The following SMTNL2 variants were observed in gnomAD, a reference collection of about 807,000 sequenced individuals.
SMTNL2 encodes smoothelin like 2, also known as smoothelin-like protein 2.
SMTNL2 carries 43 observed loss-of-function variants against 44.1 expected under a neutral mutation model. The observed-to-expected ratio is 0.98, with a 90% confidence interval of 0.76 to 1.26. The LOEUF is 1.26. SMTNL2 is among the 50% of genes most tolerant of loss of function. SMTNL2 has a pLI of 0.00. For missense variants in SMTNL2, 646 were observed against 670.2 expected, an observed-to-expected ratio of 0.96 and a Z score of 0.40; for synonymous variants, 317 against 287.6, an observed-to-expected ratio of 1.10 and a Z score of -1.03.
At chr17:4,601,286 A>C (rs1320615875) in intron 7 of SMTNL2, among the ~76,000 whole-genome samples, 1 of 152,074 alleles carries the variant, frequency 6.6e-6, no homozygotes, top group Admixed American at 6.6e-5. Context: ...GTGGTGGTGC[A>C]CACCTGTGGT....
intron 1 of SMTNL2, among the ~76,000 whole-genome samples, chr17:4,586,168 G>A (rs999208847): frequency 2.6e-5 from 4 of 152,214 alleles, no homozygotes; most frequent in Admixed American, 6.5e-5. Flanking sequence ...GGGCAGTGGC[G>A]AATGCCCCTA....
Position 4,584,870 on chromosome 17 carries a change from G to T in SMTNL2, c.265G>T (p.Gly89Trp), listed in dbSNP as rs900228872. Reference sequence around the variant, plus strand: ...GGTGGAGGCGCTGGGCTTGGCCAGCGGGATGTCCCCGGTGCCCGGCACTCC... The same window carrying T: ...GGTGGAGGCGCTGGGCTTGGCCAGCTGGATGTCCCCGGTGCCCGGCACTCC... The part of the protein sequence containing the change: ...RQVEALGLAS[G>W]MSPVPGTPGT... The change falls in exon 1 of 8, where the codon GGG (glycine) becomes TGG (tryptophan). Residue 89 changes from glycine (G) to tryptophan (W), a missense_variant. Gly to Trp is a radical substitution (Grantham distance 184). Transcript: ENST00000389313. 4.6e-5 allele frequency: 61 copies of T among 1,313,176 alleles called. No homozygotes were observed. Among genetic ancestry groups the T allele is most frequent in the Non-Finnish European group, 5.7e-5 (59 of 1,033,920 alleles). 81.3% of individuals were successfully genotyped at this position (1,313,176 alleles called of 1,614,324 possible).
intron 7 of SMTNL2, among the ~76,000 whole-genome samples, chr17:4,597,629 AG>A (rs887822218): frequency 2.0e-5 from 3 of 152,178 alleles, no homozygotes; most frequent in Non-Finnish European, 4.4e-5. Flanking sequence ...CCAGGCATGA[AG>A]GGCAGCAGGA....
chr17:4,591,617 G>C (rs1909573990), intron 1 of SMTNL2, among the ~76,000 whole-genome samples: 1 of 152,384 alleles, frequency 6.6e-6, no homozygotes, highest in African/African-American at 2.4e-5. Context: ...TGGATGTTTG[G>C]TAGATGCCGA....
At chr17:4,597,109 A>G in intron 6 of SMTNL2, 63 bp from the exon 7 acceptor site, 1 of 1,577,564 alleles carries the variant, frequency 6.3e-7, no homozygotes, top group East Asian at 2.3e-5. Flanking sequence ...AACCACGGTA[A>G]TTATGCCTTC....
At chr17:4,588,542 G>C (rs1032944923) in intron 1 of SMTNL2, among the ~76,000 whole-genome samples, 1 of 152,220 alleles carries the variant, frequency 6.6e-6, no homozygotes, top group South Asian at 2.1e-4. Flanking sequence ...GCATGACGGC[G>C]ACAGGCTGCC....
At position 4,584,998 on chromosome 17, in the gene SMTNL2, C is replaced by T. The variant is rs1909287186; in HGVS notation, c.393C>T (p.Arg131=). 2 of 1,358,762 alleles carry T rather than the reference C, an allele frequency of 1.5e-6. No homozygotes were observed. The highest frequency in any genetic ancestry group is 1.9e-6 in the Non-Finnish European group (2 of 1,058,548). 84.2% of individuals were successfully genotyped at this position (1,358,762 alleles called of 1,614,324 possible). A position where few individuals can be genotyped will look rare whatever the true frequency, so the allele number is the denominator to read the frequency against. ...ASHATFSLSG[R]GQSLDHDEAS... ...ACGCCACCTTCTCGCTGTCCGGCCG[C>T]GGCCAGGTGAGCCCGGGGGAGCGCG... The change falls in exon 1 of 8, where the codon CGC becomes CGT. Residue 131 remains arginine (R), a synonymous_variant. Transcript: ENST00000389313.
rs570991315 is a variant in SMTNL2 at position 4,596,982 on chromosome 17, G to A, written c.1107+5G>A. On this transcript the variant is annotated splice_donor_5th_base_variant and intron_variant, in intron 6 of 7. Transcript: ENST00000389313. Reference sequence around the variant, plus strand: ...AGCAAGACGCTGGGCTACCAGGTGAGCCCCGGCTCCCCTCCGGCTGCTGGG... The same window carrying A: ...AGCAAGACGCTGGGCTACCAGGTGAACCCCGGCTCCCCTCCGGCTGCTGGG... 1.1e-5 allele frequency: 17 copies of A among 1,497,014 alleles called. No homozygotes were observed. Among genetic ancestry groups the A allele is most frequent in the East Asian group, 2.5e-5 (1 of 40,218 alleles). 92.7% of individuals were successfully genotyped at this position (1,497,014 alleles called of 1,614,324 possible).
At chr17:4,594,452 A>AAAAT (rs56017371) in intron 4 of SMTNL2, among the ~76,000 whole-genome samples, 55,730 of 149,110 alleles carry the variant, frequency 0.37, 10,791 homozygotes, top group Middle Eastern at 0.48. Flanking sequence ...CTATCTACAA[A>AAAAT]AAATAAATAA....
Position 4,596,873 on chromosome 17 carries a change from G to A in SMTNL2, c.1003G>A (p.Ala335Thr). The change falls in exon 6 of 8, where the codon GCC becomes ACC. Residue 335 changes from alanine to threonine, a missense_variant. Transcript: ENST00000389313. ...ETAAGKGKGE[A>T]RARLKRSQSF... ...GTCTCTCCGCAGGGGGAAAGGCGAG[G>A]CCCGGGCCAGGCTGAAGCGGTCGCA... is the stretch of plus-strand genomic sequence containing the variant. 2 of 1,489,138 alleles carry A rather than the reference G, an allele frequency of 1.3e-6. No individual in the cohort carries two copies. Among genetic ancestry groups the A allele is most frequent in the Non-Finnish European group, 1.8e-6 (2 of 1,116,032 alleles). The allele number at this position is 1,489,138 out of a possible 1,614,324, so 92.2% of individuals were successfully genotyped here.
chr17:4,595,172 G>A lies in SMTNL2; in HGVS notation c.834G>A (p.Ser278=), dbSNP rs766241914. ...NSPPLVTPPQ[S]PVSPQPPAIT... is the part of the protein sequence containing the mutation. ...CACCGCTGGTGACACCACCCCAGTC[G>A]CCCGTGTCCCCGCAGCCGCCAGCCA... The change falls in exon 5 of 8, where the codon TCG becomes TCA. Residue 278 remains serine, a synonymous_variant. Transcript: ENST00000389313. This position sits in a 1 kb window ranked among gnomAD's most constrained non-coding sequence, Gnocchi z 5.1. 20 of 1,613,036 alleles carry A rather than the reference G, an allele frequency of 1.2e-5. No homozygotes were observed. Among genetic ancestry groups the A allele is most frequent in the Middle Eastern group, 1.6e-4 (1 of 6,082 alleles).
chr17:4,593,028 CAGTCACG>C lies in SMTNL2; in HGVS notation c.588_594del (p.Val197ProfsTer63), dbSNP rs757589384. On this transcript the variant is annotated frameshift_variant, in exon 3 of 8. Coordinates refer to ENST00000389313, the MANE Select transcript of SMTNL2 (RefSeq NM_001114974.2). LOFTEE classifies it high-confidence loss of function. ...CTCTCCTTGCGGCTGCCCCACCAGC[CAGTCACG>C]GCCATCACCCGAGTCTCTGACAGGT... 3.7e-6 allele frequency: 6 copies of C among 1,613,946 alleles called. No homozygotes were observed. The highest frequency in any genetic ancestry group is 5.1e-6 in the Non-Finnish European group (6 of 1,179,998).
At chr17:4,589,418 T>C (rs941669172) in intron 1 of SMTNL2, among the ~76,000 whole-genome samples, 7 of 152,030 alleles carry the variant, frequency 4.6e-5, no homozygotes, top group Non-Finnish European at 7.4e-5. Context: ...GACTGGCTGG[T>C]TCTCCTCCCC....
rs369360205 is a variant in SMTNL2 at position 4,595,247 on chromosome 17, G to A, written c.909G>A (p.Ser303=). 2.5e-5 allele frequency: 40 copies of A among 1,613,252 alleles called. No homozygotes were observed. In the East Asian group the frequency reaches 4.0e-4, roughly 16 times the overall value. The change falls in exon 5 of 8, where the codon TCG becomes TCA. Residue 303 remains serine (S), a synonymous_variant. Coordinates refer to ENST00000389313, the MANE Select transcript of SMTNL2 (RefSeq NM_001114974.2). The surrounding 1 kb of genome is among the most constrained non-coding windows in gnomAD (Gnocchi z 5.1). ...QGERRRELVR[S]QTLPRTSEAQ... Reference sequence around the variant, plus strand: ...AGCGTCGCAGGGAGCTGGTGAGGTCGCAGACGCTGCCCCGCACCTCGGAGG... The same window carrying A: ...AGCGTCGCAGGGAGCTGGTGAGGTCACAGACGCTGCCCCGCACCTCGGAGG...
chr17:4,604,064 C>G (rs1291247236), intron 7 of SMTNL2, among the ~76,000 whole-genome samples: 1 of 152,154 alleles, frequency 6.6e-6, no homozygotes, highest in Non-Finnish European at 1.5e-5. Flanking sequence ...AGGATGGTCT[C>G]CAACTCCTGA....
At chr17:4,588,366 G>A (rs1909427365) in intron 1 of SMTNL2, among the ~76,000 whole-genome samples, 1 of 152,184 alleles carries the variant, frequency 6.6e-6, no homozygotes, top group Non-Finnish European at 1.5e-5. Flanking sequence ...AGTGCCTCAG[G>A]CCTGGGCTCC....
At position 4,593,186 on chromosome 17, in the gene SMTNL2, G is replaced by A. The variant is rs1192878402; in HGVS notation, c.730+15G>A. On this transcript the variant is annotated intron_variant, in intron 3 of 7. Transcript: ENST00000389313. ...CAGTCCTAGCGGTATGAGCTGGAGAGCGTGGCCTTGGGGCAGACCTCCCCT... is the reference window on the plus strand; with the variant it reads ...CAGTCCTAGCGGTATGAGCTGGAGAACGTGGCCTTGGGGCAGACCTCCCCT... 1.9e-6 allele frequency: 3 copies of A among 1,568,990 alleles called. No individual in the cohort carries two copies. In the South Asian group the frequency reaches 3.5e-5, roughly 18 times the overall value.
rs374978483 is a variant in SMTNL2, at chr17:4,595,281, C to T, written c.943C>T (p.Arg315Trp). 1.3e-4 allele frequency: 204 copies of T among 1,613,076 alleles called. No homozygotes were observed. Among genetic ancestry groups the T allele is most frequent in the Non-Finnish European group, 1.6e-4 (190 of 1,179,892 alleles). The change falls in exon 5 of 8, where the codon CGG (arginine) becomes TGG (tryptophan). Residue 315 changes from arginine (R) to tryptophan (W), a missense_variant. Transcript: ENST00000389313. The surrounding 1 kb of genome is among the most constrained non-coding windows in gnomAD (Gnocchi z 5.1). ...TLPRTSEAQARKALFEKWEQE... is the reference protein window; with the variant it reads ...TLPRTSEAQAWKALFEKWEQE... ...GCCCCGCACCTCGGAGGCGCAGGCC[C>T]GGAAAGCATTGTTTGAGAAGTGGGA...
chr17:4,592,781 G>GGGGA lies in SMTNL2; in HGVS notation c.488-145_488-142dup, dbSNP rs1175356209. 5 of 1,075,620 alleles carry GGGGA rather than the reference G, an allele frequency of 4.6e-6. No homozygotes were observed. The highest frequency in any genetic ancestry group is 6.6e-6 in the Non-Finnish European group (5 of 758,624). 66.6% of individuals were successfully genotyped at this position (1,075,620 alleles called of 1,614,324 possible). A position where few individuals can be genotyped will look rare whatever the true frequency, so the allele number is the denominator to read the frequency against. On this transcript the variant is annotated intron_variant, in intron 2 of 7. Coordinates refer to ENST00000389313, the MANE Select transcript of SMTNL2 (RefSeq NM_001114974.2). This position sits in a 1 kb window ranked among gnomAD's most constrained non-coding sequence, Gnocchi z 4.5. ...TTGGAGCAGTAAGATATCCCTGGTA[G>GGGGA]GGGAGGTCAGAGAGGCTGGAGCAGT...
Sources: allele counts gnomAD v4.1 joint callset (sites outside exome capture counted in the v4.1 genomes callset), GRCh38; gene constraint gnomAD v4.1.1; non-coding constraint Gnocchi (gnomAD v3.1); transcripts MANE v1.5; gene names NCBI Gene and HGNC (gene_info 2026-07-23, HGNC 2026-07-21).